EFCAB9: variants seen among roughly 807,000 people sequenced by gnomAD.
EFCAB9 encodes EF-hand calcium binding domain 9.
A neutral mutation model predicts 15.6 loss-of-function variants in EFCAB9; 16 were observed. The ratio of observed to expected loss-of-function variants is 1.03; its 90% CI spans 0.69 to 1.56. The LOEUF (loss-of-function observed/expected upper bound fraction) is 1.56, where lower values mean the gene tolerates loss of function less well. EFCAB9 is among the 40% of genes most tolerant of loss of function. The pLI is 0.00. For synonymous variants in EFCAB9, 76 were observed against 85.4 expected (o/e 0.89, Z 0.61); for missense variants, 208 against 235.4 (o/e 0.88, Z 0.76).
chr5:172,200,558 C>T lies in EFCAB9; in HGVS notation c.286-8C>T, dbSNP rs1405371973. 9.2e-6 allele frequency: 14 copies of T among 1,529,880 alleles called. No homozygotes were observed. Among genetic ancestry groups the T allele is most frequent in the Non-Finnish European group, 1.2e-5 (14 of 1,143,760 alleles). The allele number at this position is 1,529,880 out of a possible 1,614,324, so 94.8% of individuals were successfully genotyped here. Reference sequence around the variant, plus strand: ...TGTTGCTCATCTCACCTATTTCTCTCGCAATAGAACCATTTGGAAGGACAG... The same window carrying T: ...TGTTGCTCATCTCACCTATTTCTCTTGCAATAGAACCATTTGGAAGGACAG... On this transcript the variant is annotated splice_region_variant and splice_polypyrimidine_tract_variant and intron_variant, in intron 2 of 3. Transcript: ENST00000398186.
At position 172,194,455 on chromosome 5, in the gene EFCAB9, G is replaced by A. The variant is rs1186646009; in HGVS notation, c.136+147G>A. On this transcript the variant is annotated intron_variant, in intron 1 of 3. Coordinates refer to ENST00000398186, the MANE Select transcript of EFCAB9 (RefSeq NM_001171183.2). ...CGCTCTATTGCCCAGGCTGGAGTAC[G>A]ATGGCGCGATCTCAGCTCACTGCAA... The A allele has an allele frequency of 9.4e-5, 101 of 1,078,468 alleles. 1 individual carries two copies. The highest frequency in any genetic ancestry group is 7.7e-5 in the Non-Finnish European group (60 of 777,774). 66.8% of individuals were successfully genotyped at this position (1,078,468 alleles called of 1,614,324 possible).
chr5:172,196,240 T>C (rs551255773), intron 1 of EFCAB9, among the ~76,000 whole-genome samples: 1 of 152,262 alleles, frequency 6.6e-6, no homozygotes, highest in African/African-American at 2.4e-5. Flanking sequence ...GGTGCTCATA[T>C]CCAGAGAGGC....
Position 172,199,369 on chromosome 5 carries a change from G to A in EFCAB9, c.137-14G>A. 6.5e-7 allele frequency: 1 copy of A among 1,536,782 alleles called. No individual in the cohort carries two copies. Among genetic ancestry groups the A allele is most frequent in the Non-Finnish European group, 8.7e-7 (1 of 1,146,668 alleles). Reference sequence around the variant, plus strand: ...ATCCAAATAACACATCTCCTCACCTGCCCACCTTAACAGATGTGCTGTTCT... The same window carrying A: ...ATCCAAATAACACATCTCCTCACCTACCCACCTTAACAGATGTGCTGTTCT... On this transcript the variant is annotated splice_polypyrimidine_tract_variant and intron_variant, in intron 1 of 3. Transcript: ENST00000398186.
chr5:172,195,673 C>A (rs577002975), intron 1 of EFCAB9, among the ~76,000 whole-genome samples: 1 of 152,320 alleles, frequency 6.6e-6, no homozygotes, highest in East Asian at 1.9e-4. Flanking sequence ...GTCTTCTGGT[C>A]ACAGAGGGAC....
rs1216992467 is a variant in EFCAB9, at chr5:172,199,444, T to C, written c.198T>C (p.Ile66=). The C allele has an allele frequency of 2.6e-6, 4 of 1,537,172 alleles. No individual in the cohort carries two copies. Among genetic ancestry groups the C allele is most frequent in the Admixed American group, 3.9e-5 (2 of 50,980 alleles). The change falls in exon 2 of 4, where the codon ATT becomes ATC. Residue 66 remains isoleucine (I), a synonymous_variant. Transcript: ENST00000398186. ...VTDLKKAQIN[I]VFDMLDWNAV... Reference sequence around the variant, plus strand: ...ACTTGAAAAAGGCACAGATCAACATTGTGTTTGACATGCTGGACTGGAACG... The same window carrying C: ...ACTTGAAAAAGGCACAGATCAACATCGTGTTTGACATGCTGGACTGGAACG...
At chr5:172,197,527 A>G (rs1333487511) in intron 1 of EFCAB9, among the ~76,000 whole-genome samples, 1 of 152,194 alleles carries the variant, frequency 6.6e-6, no homozygotes, top group Non-Finnish European at 1.5e-5. Context: ...CAGAATCTGT[A>G]GTTTTATAAT....
At chr5:172,200,820 GGA>G in intron 3 of EFCAB9, 78 bp downstream of exon 3, 2 of 1,339,494 alleles carry the variant, frequency 1.5e-6, no homozygotes, top group Non-Finnish European at 2.0e-6. Flanking sequence ...ACTACATATA[GGA>G]GAGATGGGAG....
At position 172,203,378 on chromosome 5, in the gene EFCAB9, G is replaced by T. The variant is rs1381065799; in HGVS notation, c.*33G>T. 1 of 1,518,452 alleles carries T rather than the reference G, an allele frequency of 6.6e-7. No individual in the cohort carries two copies. Among genetic ancestry groups the T allele is most frequent in the South Asian group, 1.2e-5 (1 of 81,560 alleles). The allele number at this position is 1,518,452 out of a possible 1,614,324, so 94.1% of individuals were successfully genotyped here. A position where few individuals can be genotyped will look rare whatever the true frequency, so the allele number is the denominator to read the frequency against. On this transcript the variant is annotated 3_prime_UTR_variant, in exon 4 of 4. Transcript: ENST00000398186. ...CTGAAAGAGTCTTGGAAAAAAATGG[G>T]ATCTGAAAGTACAGAACATGAACAT...
chr5:172,203,195 C>A lies in EFCAB9; in HGVS notation c.463-19C>A. On this transcript the variant is annotated intron_variant, in intron 3 of 3. Coordinates refer to ENST00000398186, the MANE Select transcript of EFCAB9 (RefSeq NM_001171183.2). ...TTTTTCCTGAAATAATTTTTCTTTC[C>A]CCCCCACCCTAACCAAAGCGTCTTA... The A allele has an allele frequency of 7.4e-7, 1 of 1,348,038 alleles. No individual in the cohort carries two copies. The allele number at this position is 1,348,038 out of a possible 1,614,324, so 83.5% of individuals were successfully genotyped here. A position where few individuals can be genotyped will look rare whatever the true frequency, so the allele number is the denominator to read the frequency against.
At chr5:172,199,932 CTTTTTTTT>C (rs34086491) in intron 2 of EFCAB9, among the ~76,000 whole-genome samples, 2 of 102,334 alleles carry the variant, frequency 2.0e-5, no homozygotes, top group African/African-American at 7.7e-5. Context: ...ACCCAGTTTC[CTTTTTTTT>C]TTTTTTTTTT....
intron 1 of EFCAB9, 121 bp downstream of exon 1, chr5:172,194,429 TC>T: frequency 7.9e-7 from 1 of 1,269,232 alleles, no homozygotes; most frequent in Non-Finnish European, 1.1e-6. Context: ...AGACGGAATC[TC>T]GCTCTATTGC....
At chr5:172,196,961 T>C (rs1408722290) in intron 1 of EFCAB9, among the ~76,000 whole-genome samples, 1 of 152,146 alleles carries the variant, frequency 6.6e-6, no homozygotes, top group African/African-American at 2.4e-5. Context: ...TTTAAAGAGT[T>C]TTTCAGTATT....
In EFCAB9 at chr5:172,203,202, C is replaced by G. The variant is rs1561844197; in HGVS notation, c.463-12C>G. On this transcript the variant is annotated splice_polypyrimidine_tract_variant and intron_variant, in intron 3 of 3. Transcript: ENST00000398186. Reference sequence around the variant, plus strand: ...TGAAATAATTTTTCTTTCCCCCCCACCCTAACCAAAGCGTCTTAATTATCA... The same window carrying G: ...TGAAATAATTTTTCTTTCCCCCCCAGCCTAACCAAAGCGTCTTAATTATCA... The G allele has an allele frequency of 7.8e-6, 8 of 1,020,280 alleles. No individual in the cohort carries two copies. Among genetic ancestry groups the G allele is most frequent in the Non-Finnish European group, 9.3e-6 (8 of 861,404 alleles). 63.2% of individuals were successfully genotyped at this position (1,020,280 alleles called of 1,614,324 possible).
intron 1 of EFCAB9, among the ~76,000 whole-genome samples, chr5:172,196,726 G>A (rs1337738175): frequency 6.6e-6 from 1 of 152,066 alleles, no homozygotes; most frequent in South Asian, 2.1e-4. Flanking sequence ...AGTGAGTAAG[G>A]GGAAACACAT....
At position 172,194,342 on chromosome 5, in the gene EFCAB9, T is replaced by C. The variant is rs1458851290; in HGVS notation, c.136+34T>C. The stretch of plus-strand genomic sequence containing the variant: ...TTTCAGACATGTCTCCTCTGGGTCC[T>C]TACCTGGGTTTTAGCTAATGTGTAA... On this transcript the variant is annotated intron_variant, in intron 1 of 3. Coordinates refer to ENST00000398186, the MANE Select transcript of EFCAB9 (RefSeq NM_001171183.2). 2.6e-6 allele frequency: 4 copies of C among 1,531,964 alleles called. No homozygotes were observed. In the Admixed American group the frequency reaches 8.0e-5, roughly 31 times the overall value. The allele number at this position is 1,531,964 out of a possible 1,614,324, so 94.9% of individuals were successfully genotyped here. A position where few individuals can be genotyped will look rare whatever the true frequency, so the allele number is the denominator to read the frequency against.
intron 3 of EFCAB9, among the ~76,000 whole-genome samples, chr5:172,202,029 G>A (rs868365536): frequency 2.0e-5 from 3 of 152,080 alleles, no homozygotes; most frequent in East Asian, 1.9e-4. Context: ...AAGTAATTGC[G>A]GTTTTTGCCA....
chr5:172,198,961 G>C (rs1175015792), intron 1 of EFCAB9, among the ~76,000 whole-genome samples: 2 of 152,184 alleles, frequency 1.3e-5, no homozygotes, highest in Non-Finnish European at 2.9e-5. Flanking sequence ...TCAAGGGAAA[G>C]GCAAAGGAAA....
rs554892277 is a variant in EFCAB9 at position 172,200,559 on chromosome 5, G to A, written c.286-7G>A. ...GTTGCTCATCTCACCTATTTCTCTC[G>A]CAATAGAACCATTTGGAAGGACAGT... On this transcript the variant is annotated splice_region_variant and splice_polypyrimidine_tract_variant and intron_variant, in intron 2 of 3. Transcript: ENST00000398186. 26 of 1,530,300 alleles carry A rather than the reference G, an allele frequency of 1.7e-5. No individual in the cohort carries two copies. Among genetic ancestry groups the A allele is most frequent in the South Asian group, 2.4e-5 (2 of 83,088 alleles). The allele number at this position is 1,530,300 out of a possible 1,614,324, so 94.8% of individuals were successfully genotyped here. A position where few individuals can be genotyped will look rare whatever the true frequency, so the allele number is the denominator to read the frequency against.
At chr5:172,197,593 A>G (rs142719322) in intron 1 of EFCAB9, among the ~76,000 whole-genome samples, 1,890 of 152,298 alleles carry the variant, frequency 0.012, 21 homozygotes, top group South Asian at 0.024. Context: ...ATATAGACTA[A>G]TTGATATCTG....
Sources: gnomAD v4.1 joint callset for allele counts (sites outside exome capture counted in the v4.1 genomes callset) on GRCh38, gnomAD v4.1.1 for gene constraint, MANE v1.5 for transcripts, NCBI Gene and HGNC (gene_info 2026-07-23, HGNC 2026-07-21) for gene names.